SNX25: variants seen among roughly 807,000 people sequenced by gnomAD.
The protein encoded by SNX25 is sorting nexin-25.
SNX25 carries 62 observed loss-of-function variants against 113.7 expected under a neutral mutation model. The ratio of observed to expected loss-of-function variants is 0.55; its 90% CI spans 0.44 to 0.67. SNX25 has a LOEUF of 0.67. Ranked by LOEUF, SNX25 falls within the 30% of genes least tolerant of loss-of-function variation. The pLI, the probability that SNX25 is intolerant of heterozygous loss-of-function variation, is 0.00. For synonymous variants in SNX25, 421 were observed against 436.2 expected (o/e 0.97, Z 0.43); for missense variants, 1,014 against 1,161.0 (o/e 0.87, Z 1.84).
At chr4:185,308,068 CTT>C (rs1754710357) in intron 6 of SNX25, among the ~76,000 whole-genome samples, 1 of 152,202 alleles carries the variant, frequency 6.6e-6, no homozygotes, top group Admixed American at 6.5e-5. Flanking sequence ...CCACACCTCT[CTT>C]TACTTTTAAC....
intron 6 of SNX25, among the ~76,000 whole-genome samples, chr4:185,294,824 T>C (rs1752634456): frequency 6.6e-6 from 1 of 151,456 alleles, no homozygotes. Flanking sequence ...CGGATACTTT[T>C]TTTTTTTAAG....
intron 6 of SNX25, among the ~76,000 whole-genome samples, chr4:185,297,238 G>A (rs1040179899): frequency 1.3e-5 from 2 of 152,130 alleles, no homozygotes; most frequent in Non-Finnish European, 2.9e-5. Flanking sequence ...CAGTTCCCCA[G>A]TTACATCAGC....
downstream of SNX25, chr4:185,370,884 T>TA (rs939036493): frequency 1.7e-5 from 25 of 1,504,418 alleles, no homozygotes; most frequent in African/African-American, 3.2e-4. Context: ...ACGATGCGCC[T>TA]AGAGACTGTC....
In SNX25 at chr4:185,232,280, T is replaced by C. The variant is rs2126413552; in HGVS notation, c.430-15014T>C. On this transcript the variant is annotated intron_variant, in intron 1 of 18. Transcript: ENST00000652585. The surrounding 1 kb of genome is among the most constrained non-coding windows in gnomAD (Gnocchi z 4.4). ...CAAGTCCCCTTGCCCAGTTCCTCAT[T>C]GGTCTAGTACTACGGGGTTACAATC... Among the ~76,000 whole-genome samples the C allele has an allele frequency of 6.6e-6, 1 of 152,298 alleles. No homozygotes were observed. The highest frequency in any genetic ancestry group is 3.4e-3 in the Middle Eastern group (1 of 294).
intron 6 of SNX25, among the ~76,000 whole-genome samples, chr4:185,303,819 C>T (rs1754065913): frequency 6.6e-6 from 1 of 152,184 alleles, no homozygotes; most frequent in Non-Finnish European, 1.5e-5. Flanking sequence ...AATATACTCT[C>T]CACTGAAGTG....
chr4:185,300,121 C>T (rs1050518778), intron 6 of SNX25, among the ~76,000 whole-genome samples: 2 of 151,946 alleles, frequency 1.3e-5, no homozygotes, highest in Non-Finnish European at 2.9e-5. Context: ...CACATAGACA[C>T]TGTTACTTGC....
upstream of SNX25, among the ~76,000 whole-genome samples, chr4:185,209,167 G>A (rs1479675322): frequency 6.6e-6 from 1 of 152,144 alleles, no homozygotes. The surrounding 1 kb of genome is among the most constrained non-coding windows in gnomAD (Gnocchi z 5.2). Flanking sequence ...GCGGCAGGGT[G>A]GGAAAGGGAA....
chr4:185,304,950 A>G (rs1754250565), intron 6 of SNX25, among the ~76,000 whole-genome samples: 1 of 152,108 alleles, frequency 6.6e-6, no homozygotes, highest in South Asian at 2.1e-4. Flanking sequence ...TGGGCAGAGG[A>G]GAGAAGAGAG....
intron 5 of SNX25, among the ~76,000 whole-genome samples, chr4:185,282,995 A>T (rs925526921): frequency 5.3e-5 from 8 of 152,198 alleles, no homozygotes; most frequent in African/African-American, 1.9e-4. Context: ...GTTGAGAAAA[A>T]AACAAGAATG....
chr4:185,205,222 G>A (rs544579063), upstream of SNX25, among the ~76,000 whole-genome samples: 16 of 152,316 alleles, frequency 1.1e-4, no homozygotes, highest in Middle Eastern at 3.4e-3. Context: ...TCGGGAGGCC[G>A]AGGCGGGTGG....
chr4:185,303,386 G>A lies in SNX25; in HGVS notation c.1163-7249G>A, dbSNP rs115205055. Among the ~76,000 whole-genome samples the A allele has an allele frequency of 6.0e-3, 906 of 152,260 alleles. 6 individuals carry two copies. Among genetic ancestry groups the A allele is most frequent in the African/African-American group, 0.021 (854 of 41,538 alleles). On this transcript the variant is annotated intron_variant, in intron 6 of 18. Coordinates refer to ENST00000652585, the MANE Select transcript of SNX25 (RefSeq NM_001378034.2). ...AAGACATTAAACGAAGGTGCAGGGC[G>A]TGGTGGCTCACGCCTGTAATCCCAG...
At chr4:185,276,586 C>T (rs76516625) in intron 5 of SNX25, among the ~76,000 whole-genome samples, 59 of 152,298 alleles carry the variant, frequency 3.9e-4, no homozygotes, top group African/African-American at 1.3e-3. Flanking sequence ...GGTGTCATGG[C>T]ACACTTGGGA....
chr4:185,219,507 C>G (rs957457750), intron 1 of SNX25, among the ~76,000 whole-genome samples: 2 of 151,958 alleles, frequency 1.3e-5, no homozygotes, highest in African/African-American at 4.8e-5. Context: ...TGCAGTGAGC[C>G]AAGATTGTGC....
intron 1 of SNX25, among the ~76,000 whole-genome samples, chr4:185,224,362 T>C (rs961661925): frequency 6.9e-6 from 1 of 144,952 alleles, no homozygotes; most frequent in African/African-American, 2.5e-5. Flanking sequence ...AAAATATATA[T>C]ATATAAAAAT....
At chr4:185,375,754 AT>A in the SNX25 span, 1 of 1,463,278 alleles carries the variant, frequency 6.8e-7, no homozygotes, top group Non-Finnish European at 9.5e-7. Flanking sequence ...ATATTTAATT[AT>A]TTTTATTATG....
intron 1 of SNX25, among the ~76,000 whole-genome samples, chr4:185,246,392 T>G (rs887897928): frequency 6.6e-6 from 1 of 152,216 alleles, no homozygotes. Context: ...CATTTCCCTG[T>G]GTCCTGGTGA....
chr4:185,376,340 C>G, the SNX25 span, among the ~76,000 whole-genome samples: 4 of 151,966 alleles, frequency 2.6e-5, no homozygotes, highest in Non-Finnish European at 5.9e-5. Context: ...TGCAGTGGCA[C>G]GATCTCAGCT....
chr4:185,263,150 C>T (rs1201132230), intron 3 of SNX25, among the ~76,000 whole-genome samples: 1 of 152,154 alleles, frequency 6.6e-6, no homozygotes, highest in Non-Finnish European at 1.5e-5. Context: ...TATTATCTGC[C>T]TTCCACTGTT....
chr4:185,251,375 C>G (rs540896351), intron 2 of SNX25, among the ~76,000 whole-genome samples: 64 of 152,292 alleles, frequency 4.2e-4, no homozygotes, highest in African/African-American at 1.4e-3. Flanking sequence ...AACTGAAACT[C>G]TTTACTTATT....
Sources: gnomAD v4.1 joint callset for allele counts (sites outside exome capture counted in the v4.1 genomes callset) on GRCh38, gnomAD v4.1.1 for gene constraint, Gnocchi (gnomAD v3.1) non-coding constraint, MANE v1.5 for transcripts, NCBI Gene and HGNC (gene_info 2026-07-23, HGNC 2026-07-21) for gene names.